Variants in WDR7 observed in about 807,000 individuals in gnomAD.
WDR7 encodes the protein WD repeat-containing protein 7.
WDR7 carries 46 observed loss-of-function variants against 169.4 expected under a neutral mutation model. The observed-to-expected ratio is 0.27, with a 90% CI of 0.21 to 0.35. The LOEUF (loss-of-function observed/expected upper bound fraction) is 0.35. WDR7 is among the 10% of genes least tolerant of loss of function. The pLI, the probability that WDR7 is intolerant of heterozygous loss-of-function variation, is 1.00. For missense variants in WDR7, 1,534 were observed against 1,859.3 expected (o/e 0.83, Z 3.22); for synonymous variants, 612 against 666.8 (o/e 0.92, Z 1.27).
intron 20 of WDR7, among the ~76,000 whole-genome samples, chr18:56,842,408 C>T (rs1400924926): frequency 6.6e-6 from 1 of 152,154 alleles, no homozygotes; most frequent in Non-Finnish European, 1.5e-5. Context: ...TAAGGCAGTG[C>T]TCTTATGATC....
At chr18:56,885,613 A>G (rs1375163633) in intron 21 of WDR7, among the ~76,000 whole-genome samples, 1 of 151,822 alleles carries the variant, frequency 6.6e-6, no homozygotes, top group African/African-American at 2.4e-5. Context: ...TCACGAGGTC[A>G]GATCAAGACC....
At chr18:56,786,931 T>G (rs1042911380) in intron 19 of WDR7, among the ~76,000 whole-genome samples, 1 of 151,628 alleles carries the variant, frequency 6.6e-6, no homozygotes, top group Non-Finnish European at 1.5e-5. Context: ...TTAAAAGTAG[T>G]GGCAAAAACC....
intron 26 of WDR7, among the ~76,000 whole-genome samples, chr18:57,008,397 C>T (rs1274049321): frequency 6.6e-6 from 1 of 152,144 alleles, no homozygotes; most frequent in African/African-American, 2.4e-5. Flanking sequence ...GAATTAAGTC[C>T]ACATTTCTTG....
At chr18:56,758,985 G>T in intron 16 of WDR7, 32 bp downstream of exon 16, 1 of 1,559,696 alleles carries the variant, frequency 6.4e-7, no homozygotes, top group South Asian at 1.1e-5. Context: ...TAATTGACAT[G>T]ACATTTCAGC....
Position 56,686,892 on chromosome 18 carries a change from T to G in WDR7, c.635T>G (p.Ile212Ser). 6.2e-7 allele frequency: 1 copy of G among 1,609,892 alleles called. No homozygotes were observed. Among genetic ancestry groups the G allele is most frequent in the Non-Finnish European group, 8.5e-7 (1 of 1,176,372 alleles). Reference sequence around the variant, plus strand: ...ATATTTGAGGAGGAATCCAAACCAATTTATTGTCAGAATTGCCAAAGCATC... The same window carrying G: ...ATATTTGAGGAGGAATCCAAACCAAGTTATTGTCAGAATTGCCAAAGCATC... ...EPIFEEESKP[I>S]YCQNCQSISF... The change falls in exon 7 of 28, where the codon ATT (isoleucine) becomes AGT (serine). Residue 212 changes from isoleucine (I) to serine (S), a missense_variant. By Grantham distance (142) the Ile-to-Ser change is moderately radical. Coordinates refer to ENST00000254442, the MANE Select transcript of WDR7 (RefSeq NM_015285.3).
chr18:56,677,497 G>A (rs1441424787), intron 2 of WDR7, among the ~76,000 whole-genome samples: 2 of 152,036 alleles, frequency 1.3e-5, no homozygotes, highest in Non-Finnish European at 2.9e-5. Context: ...CTACAGATGT[G>A]TGCCACCCCA....
At chr18:56,894,495 A>G (rs550098864) in intron 21 of WDR7, among the ~76,000 whole-genome samples, 24 of 151,938 alleles carry the variant, frequency 1.6e-4, no homozygotes, top group Non-Finnish European at 2.5e-4. Context: ...CAGTTGCTCA[A>G]TTTTCAACTT....
intron 20 of WDR7, among the ~76,000 whole-genome samples, chr18:56,846,112 A>G (rs1193939772): frequency 6.6e-6 from 1 of 152,194 alleles, no homozygotes; most frequent in African/African-American, 2.4e-5. Context: ...CAGAATATTG[A>G]CTAACAAAAA....
chr18:56,961,997 A>C (rs566954679), intron 25 of WDR7, among the ~76,000 whole-genome samples: 1 of 152,154 alleles, frequency 6.6e-6, no homozygotes, highest in Non-Finnish European at 1.5e-5. Flanking sequence ...CTTTAATACT[A>C]TAATAAACCA....
At chr18:56,885,657 T>TAAAA (rs56039100) in intron 21 of WDR7, among the ~76,000 whole-genome samples, 2 of 146,546 alleles carry the variant, frequency 1.4e-5, no homozygotes, top group Non-Finnish European at 3.0e-5. Context: ...CTGTCTCTAC[T>TAAAA]AAAAAAAAAA....
chr18:56,971,417 G>T (rs1240828376), intron 26 of WDR7, among the ~76,000 whole-genome samples: 1 of 151,960 alleles, frequency 6.6e-6, no homozygotes, highest in Non-Finnish European at 1.5e-5. Context: ...ACTTATGATG[G>T]CTCTTATGTG....
intron 21 of WDR7, among the ~76,000 whole-genome samples, chr18:56,890,473 C>T (rs923347291): frequency 3.9e-5 from 6 of 152,068 alleles, no homozygotes; most frequent in Non-Finnish European, 7.4e-5. Flanking sequence ...GTTTTATTAG[C>T]AAGCTTACGA....
rs149242315 is a variant in WDR7, at chr18:56,886,634, A to G, written c.3526+6469A>G. Reference sequence around the variant, plus strand: ...TAATACCTCATATCTCAGTACTAACATTGAATGTAAATGGCCTAAATGCTC... The same window carrying G: ...TAATACCTCATATCTCAGTACTAACGTTGAATGTAAATGGCCTAAATGCTC... On this transcript the variant is annotated intron_variant, in intron 21 of 27. Coordinates refer to ENST00000254442, the MANE Select transcript of WDR7 (RefSeq NM_015285.3). 9.4e-3 allele frequency among the ~76,000 whole-genome samples: 1,429 copies of G among 152,340 alleles called. 24 individuals are homozygous for G. Among genetic ancestry groups the G allele is most frequent in the African/African-American group, 0.032 (1,345 of 41,580 alleles).
intron 14 of WDR7, among the ~76,000 whole-genome samples, chr18:56,739,621 G>T (rs1568167647): frequency 6.6e-6 from 1 of 151,870 alleles, no homozygotes; most frequent in Admixed American, 6.6e-5. Context: ...AAGTTTATTG[G>T]CATTGAATTT....
chr18:56,875,841 A>T (rs1166592604), intron 20 of WDR7, among the ~76,000 whole-genome samples: 1 of 152,168 alleles, frequency 6.6e-6, no homozygotes, highest in Non-Finnish European at 1.5e-5. Flanking sequence ...TGAATAACTG[A>T]GTTCAGTAAT....
chr18:56,668,742 A>T (rs2025072268), intron 1 of WDR7, among the ~76,000 whole-genome samples: 1 of 152,210 alleles, frequency 6.6e-6, no homozygotes, highest in South Asian at 2.1e-4. Flanking sequence ...GCACAATTTG[A>T]GTTGTTTGAC....
At chr18:56,988,153 CT>C (rs1172419220) in intron 26 of WDR7, among the ~76,000 whole-genome samples, 3 of 152,180 alleles carry the variant, frequency 2.0e-5, no homozygotes, top group Non-Finnish European at 4.4e-5. Context: ...CATCCGATTT[CT>C]TTTAGTCTTA....
chr18:56,971,244 A>G (rs1423890909), intron 26 of WDR7, among the ~76,000 whole-genome samples: 4 of 148,944 alleles, frequency 2.7e-5, no homozygotes, highest in Non-Finnish European at 4.4e-5. Context: ...GCACCACTGC[A>G]CTCCAGCCTG....
At chr18:56,987,285 C>CAAAAAAA (rs74182165) in intron 26 of WDR7, among the ~76,000 whole-genome samples, 1 of 75,236 alleles carries the variant, frequency 1.3e-5, no homozygotes, top group Non-Finnish European at 2.5e-5. Flanking sequence ...TCATCTGTAC[C>CAAAAAAA]AAAAAAAAAA....
Sources: gnomAD v4.1 joint callset for allele counts (sites outside exome capture counted in the v4.1 genomes callset) on GRCh38, gnomAD v4.1.1 for gene constraint, MANE v1.5 for transcripts, NCBI Gene and HGNC (gene_info 2026-07-23, HGNC 2026-07-21) for gene names.